The following ZNF69 variants were observed in gnomAD, a reference collection of about 807,000 sequenced individuals.
ZNF69 encodes ZNF3.
A neutral mutation model predicts 50.9 loss-of-function variants in ZNF69; 47 were observed. The ratio of observed to expected loss-of-function variants is 0.92; its 90% CI spans 0.73 to 1.18. The LOEUF is 1.18. Ranked by LOEUF, ZNF69 falls within the 50% of genes most tolerant of loss-of-function variation. ZNF69 has a pLI of 0.00. For missense variants in ZNF69, 717 were observed against 675.1 expected (o/e 1.06, Z -0.69); for synonymous variants, 216 against 223.1 (o/e 0.97, Z 0.29).
chr19:11,976,924 G>A, the ZNF69 span: 3 of 1,549,042 alleles, frequency 1.9e-6, no homozygotes, highest in East Asian at 2.3e-5. Context: ...GGGATGTGAT[G>A]ACCAAAGCAG....
At chr19:11,977,539 T>C in the ZNF69 span, 1 of 1,326,034 alleles carries the variant, frequency 7.5e-7, no homozygotes, top group Admixed American at 2.2e-5. Context: ...AATTCATCTC[T>C]TCTTAGAATA....
intron 1 of ZNF69, among the ~76,000 whole-genome samples, chr19:11,894,125 G>A (rs1384317964): frequency 6.6e-6 from 1 of 152,248 alleles, no homozygotes; most frequent in East Asian, 1.9e-4. Context: ...AGACACTCCC[G>A]TGTGAAAATT....
rs763773947 is a variant in ZNF69, at chr19:11,904,928, C to G, written c.531C>G (p.Pro177=). 4 of 1,614,214 alleles carry G rather than the reference C, an allele frequency of 2.5e-6. No individual in the cohort carries two copies. In the Admixed American group the frequency reaches 6.7e-5, roughly 27 times the overall value. ...QQPKKAFRYH[P]SFRTPQRDHT... ...CTAAAAAAGCCTTCAGATATCACCC[C>G]TCCTTTAGAACACCACAAAGGGATC... Residue 177 remains proline (P), a synonymous_variant, in exon 4 of 4, where the codon CCC becomes CCG. Coordinates refer to ENST00000429654, the MANE Select transcript of ZNF69 (RefSeq NM_001364730.1).
chr19:11,942,393 T>C, the ZNF69 span, among the ~76,000 whole-genome samples: 4 of 151,980 alleles, frequency 2.6e-5, no homozygotes, highest in African/African-American at 9.7e-5. Flanking sequence ...TTATGACAGG[T>C]GCTACAGACC....
chr19:11,958,289 A>G, the ZNF69 span, among the ~76,000 whole-genome samples: 3 of 152,106 alleles, frequency 2.0e-5, no homozygotes, highest in African/African-American at 7.2e-5. Context: ...TACAGGACCC[A>G]GGTCTAGATG....
chr19:11,965,379 G>A, the ZNF69 span, among the ~76,000 whole-genome samples: 10 of 152,206 alleles, frequency 6.6e-5, no homozygotes, highest in Admixed American at 2.6e-4. Context: ...GATGGGGCTG[G>A]GCTGGCAGCC....
the ZNF69 span, among the ~76,000 whole-genome samples, chr19:11,969,314 A>G: frequency 3.3e-5 from 5 of 152,216 alleles, no homozygotes; most frequent in Non-Finnish European, 5.9e-5. Context: ...CACGTTCGCC[A>G]GGCTGGTCTT....
At chr19:11,964,772 TTGAG>T in the ZNF69 span, among the ~76,000 whole-genome samples, 4,135 of 152,278 alleles carry the variant, frequency 0.027, 166 homozygotes, top group African/African-American at 0.092. Flanking sequence ...GGAAAATCCC[TTGAG>T]TGAGGAAGAC....
the ZNF69 span, chr19:11,979,407 T>G: frequency 6.2e-7 from 1 of 1,604,148 alleles, no homozygotes; most frequent in Non-Finnish European, 8.5e-7. Flanking sequence ...CACCTTCAAA[T>G]TCATGAAAGG....
the ZNF69 span, among the ~76,000 whole-genome samples, chr19:11,937,658 T>C: frequency 6.6e-6 from 1 of 151,688 alleles, no homozygotes; most frequent in Non-Finnish European, 1.5e-5. Context: ...TTGGCTAATT[T>C]TTTGTATTTT....
At chr19:11,922,544 A>G in the ZNF69 span, among the ~76,000 whole-genome samples, 1 of 152,204 alleles carries the variant, frequency 6.6e-6, no homozygotes, top group Non-Finnish European at 1.5e-5. Context: ...AAGCTGACTT[A>G]ATGATTAATG....
chr19:11,949,146 C>G, the ZNF69 span: 7 of 1,612,378 alleles, frequency 4.3e-6, no homozygotes, highest in Non-Finnish European at 5.9e-6. Context: ...TTTATTCTGC[C>G]AAGTCATTTC....
At chr19:11,949,412 T>C in the ZNF69 span, 1 of 1,611,492 alleles carries the variant, frequency 6.2e-7, no homozygotes. Flanking sequence ...CACCTTCGAG[T>C]GCATGGTAGG....
rs201074057 is a variant in ZNF69, at chr19:11,904,743, G to A, written c.346G>A (p.Glu116Lys). 402 of 1,613,962 alleles carry A rather than the reference G, an allele frequency of 2.5e-4. 5 individuals are homozygous for A. In the East Asian group the frequency reaches 8.5e-3, roughly 34 times the overall value. The change falls in exon 4 of 4, where the codon GAG (glutamate) becomes AAG (lysine). Residue 116 changes from glutamate (E) to lysine (K), a missense_variant. By Grantham distance (56) the Glu-to-Lys change is moderately conservative. Transcript: ENST00000429654. ...QVPDDRLNFQ[E>K]KKASPEIKSC... ...TCCAGATGACAGGCTGAACTTCCAG[G>A]AGAAGAAAGCTTCTCCTGAAATAAA... is the stretch of plus-strand genomic sequence containing the variant.
At chr19:11,944,179 G>A in the ZNF69 span, among the ~76,000 whole-genome samples, 71 of 152,272 alleles carry the variant, frequency 4.7e-4, no homozygotes, top group African/African-American at 1.6e-3. Flanking sequence ...GTAATTTTTC[G>A]TAAGGCCTGT....
At chr19:11,950,202 T>C in the ZNF69 span, 3 of 1,613,192 alleles carry the variant, frequency 1.9e-6, no homozygotes, top group Non-Finnish European at 8.5e-7. Flanking sequence ...CAAGGACTCA[T>C]ATGGGAGAGA....
At chr19:11,918,318 T>C (rs888190329), downstream of ZNF69, among the ~76,000 whole-genome samples, 4 of 152,222 alleles carry the variant, frequency 2.6e-5, no homozygotes, top group Non-Finnish European at 5.9e-5. Flanking sequence ...CTAACTCACT[T>C]TTCGTCGCCC....
chr19:11,975,407 T>C, the ZNF69 span, among the ~76,000 whole-genome samples: 1 of 147,210 alleles, frequency 6.8e-6, no homozygotes, highest in Non-Finnish European at 1.5e-5. Context: ...TATTTTATTA[T>C]TATTTTTTGA....
the ZNF69 span, chr19:11,950,637 G>T: frequency 2.7e-6 from 1 of 372,050 alleles, no homozygotes; most frequent in Non-Finnish European, 5.3e-6. Flanking sequence ...GTATGGGAAA[G>T]CCTTCAGATC....
Sources: gnomAD v4.1 joint callset for allele counts (sites outside exome capture counted in the v4.1 genomes callset) on GRCh38, gnomAD v4.1.1 for gene constraint, MANE v1.5 for transcripts, NCBI Gene and HGNC (gene_info 2026-07-23, HGNC 2026-07-21) for gene names.